The following NFIC variants were observed in gnomAD, a reference collection of about 807,000 sequenced individuals.
The protein encoded by NFIC is nuclear factor I C.
A neutral mutation model predicts 54.4 loss-of-function variants in NFIC; 12 were observed. The observed-to-expected ratio is 0.22, with a 90% CI of 0.14 to 0.36. The LOEUF is 0.36. Ranked by LOEUF, NFIC falls within the 10% of genes least tolerant of loss-of-function variation. The probability of loss-of-function intolerance (pLI) is 1.00; values close to 1 mark genes in which losing one functional copy is unlikely to be tolerated. For missense variants in NFIC, 575 were observed against 718.2 expected, an observed-to-expected ratio of 0.80 and a Z score of 2.28; for synonymous variants, 322 against 319.2, an observed-to-expected ratio of 1.01 and a Z score of -0.09.
At chr19:3,424,044 T>G (rs2081991409) in intron 2 of NFIC, among the ~76,000 whole-genome samples, 2 of 152,196 alleles carry the variant, frequency 1.3e-5, no homozygotes, top group South Asian at 4.1e-4. Flanking sequence ...TTATTTATTT[T>G]GAGACGGAGC....
chr19:3,378,309 G>A (rs559004086), intron 1 of NFIC, among the ~76,000 whole-genome samples: 1 of 150,306 alleles, frequency 6.7e-6, no homozygotes, highest in South Asian at 2.1e-4. Flanking sequence ...ATGTTGCCCA[G>A]GCTGGGATTG....
chr19:3,365,523 A>C (rs1005197020), upstream of NFIC, among the ~76,000 whole-genome samples: 9 of 152,290 alleles, frequency 5.9e-5, no homozygotes, highest in East Asian at 7.7e-4. Flanking sequence ...CTGGGGGCTC[A>C]GACGGAGGCA....
intron 4 of NFIC, 44 bp downstream of exon 4, chr19:3,433,636 G>A: frequency 1.9e-6 from 3 of 1,595,022 alleles, no homozygotes; most frequent in Non-Finnish European, 2.6e-6. Flanking sequence ...GGAGAGGGGA[G>A]GGGGCCGCAG....
intron 2 of NFIC, among the ~76,000 whole-genome samples, chr19:3,404,554 G>GC (rs2081612953): frequency 6.6e-6 from 1 of 151,832 alleles, no homozygotes; most frequent in Non-Finnish European, 1.5e-5. Flanking sequence ...GCCCAGTGGT[G>GC]CCCCAGAGGC....
chr19:3,444,703 A>G (rs2082345916), intron 6 of NFIC, among the ~76,000 whole-genome samples: 1 of 152,210 alleles, frequency 6.6e-6, no homozygotes, highest in South Asian at 2.1e-4. Context: ...ATTTCCATCC[A>G]GGACAAGCGG....
chr19:3,413,300 T>A (rs1426996233), intron 2 of NFIC, among the ~76,000 whole-genome samples: 1 of 151,870 alleles, frequency 6.6e-6, no homozygotes, highest in African/African-American at 2.4e-5. Flanking sequence ...CCAGGAATCA[T>A]CCCAAACCGC....
chr19:3,436,301 C>T (rs184379643), intron 6 of NFIC, among the ~76,000 whole-genome samples: 3 of 139,372 alleles, frequency 2.2e-5, no homozygotes, highest in Non-Finnish European at 3.0e-5. Context: ...TACTGCCATG[C>T]GCCGTTAATT....
At chr19:3,371,102 C>T (rs572291955) in intron 1 of NFIC, among the ~76,000 whole-genome samples, 1 of 152,292 alleles carries the variant, frequency 6.6e-6, no homozygotes, top group South Asian at 2.1e-4. Flanking sequence ...AGGTGCCAAA[C>T]CCAATATAGT....
At chr19:3,437,994 C>T (rs190420775) in intron 6 of NFIC, among the ~76,000 whole-genome samples, 1 of 152,192 alleles carries the variant, frequency 6.6e-6, no homozygotes, top group East Asian at 1.9e-4. Context: ...CCGCACCCAG[C>T]CGTGACTTCT....
intron 1 of NFIC, among the ~76,000 whole-genome samples, chr19:3,374,359 C>T (rs1207518624): frequency 6.6e-6 from 1 of 152,198 alleles, no homozygotes; most frequent in Non-Finnish European, 1.5e-5. Flanking sequence ...CCCTTCTCCC[C>T]ATCACCTTGC....
intron 1 of NFIC, among the ~76,000 whole-genome samples, chr19:3,367,189 C>G (rs573595557): frequency 6.6e-6 from 1 of 152,340 alleles, no homozygotes; most frequent in African/African-American, 2.4e-5. Context: ...CGCCCTGGCC[C>G]TCGGTCGCCT....
In NFIC at chr19:3,459,298, C is replaced by T. The variant is rs1317403311; in HGVS notation, c.1509+2663C>T. Among the ~76,000 whole-genome samples the T allele has an allele frequency of 1.3e-5, 2 of 151,710 alleles. No homozygotes were observed. The highest frequency in any genetic ancestry group is 4.8e-5 in the African/African-American group (2 of 41,274). ...GTGATCTATGCTAATTGATCTCGCCCTGGTCAGTTACCCACCCATCGCCCC... is the reference window on the plus strand; with the variant it reads ...GTGATCTATGCTAATTGATCTCGCCTTGGTCAGTTACCCACCCATCGCCCC... On this transcript the variant is annotated intron_variant, in intron 10 of 10. Transcript: ENST00000443272. The surrounding 1 kb of genome is among the most constrained non-coding windows in gnomAD (Gnocchi z 4.2).
chr19:3,367,823 G>A (rs2080924810), intron 1 of NFIC, among the ~76,000 whole-genome samples: 1 of 152,126 alleles, frequency 6.6e-6, no homozygotes, highest in South Asian at 2.1e-4. Flanking sequence ...GGCCAGGCCC[G>A]TCTTAAGAAG....
At chr19:3,402,582 G>A (rs899441886) in intron 2 of NFIC, among the ~76,000 whole-genome samples, 4 of 152,138 alleles carry the variant, frequency 2.6e-5, no homozygotes, top group African/African-American at 7.2e-5. Context: ...GCAAACACCC[G>A]TGCAGTCACT....
At chr19:3,437,941 C>T (rs1041036118) in intron 6 of NFIC, among the ~76,000 whole-genome samples, 26 of 152,048 alleles carry the variant, frequency 1.7e-4, no homozygotes, top group African/African-American at 6.3e-4. Flanking sequence ...AGTGATCCGC[C>T]CATCTCAGCC....
chr19:3,464,250 G>A lies in NFIC; in HGVS notation c.*1481G>A, dbSNP rs923412059. ...GAGGAGAGAGGAGGCCGACGCCAGC[G>A]GTCCCCGCTCGGAACGGGGAGGGTT... On this transcript the variant is annotated 3_prime_UTR_variant, in exon 11 of 11. Coordinates refer to ENST00000443272, the MANE Select transcript of NFIC (RefSeq NM_001245002.2). 2.0e-6 allele frequency: 2 copies of A among 985,290 alleles called. No homozygotes were observed. Among genetic ancestry groups the A allele is most frequent in the African/African-American group, 3.5e-5 (2 of 57,228 alleles). The allele number at this position is 985,290 out of a possible 1,614,324, so 61.0% of individuals were successfully genotyped here. A position where few individuals can be genotyped will look rare whatever the true frequency, so the allele number is the denominator to read the frequency against.
At chr19:3,413,637 C>T (rs189140978) in intron 2 of NFIC, among the ~76,000 whole-genome samples, 8 of 152,080 alleles carry the variant, frequency 5.3e-5, no homozygotes, top group Admixed American at 1.3e-4. Flanking sequence ...TTACTCACTG[C>T]GCATTAATTT....
intron 2 of NFIC, among the ~76,000 whole-genome samples, chr19:3,423,724 G>T (rs2081987163): frequency 6.6e-6 from 1 of 152,178 alleles, no homozygotes; most frequent in Non-Finnish European, 1.5e-5. Context: ...AGATGGAGGG[G>T]CGGGCGCCGG....
chr19:3,368,963 C>T (rs1162600987), intron 1 of NFIC, among the ~76,000 whole-genome samples: 2 of 148,830 alleles, frequency 1.3e-5, no homozygotes, highest in Non-Finnish European at 3.0e-5. Context: ...TTCTCCCTGT[C>T]TCTCCATCTC....
Sources: gnomAD v4.1 joint callset for allele counts (sites outside exome capture counted in the v4.1 genomes callset) on GRCh38, gnomAD v4.1.1 for gene constraint, Gnocchi (gnomAD v3.1) non-coding constraint, MANE v1.5 for transcripts, NCBI Gene and HGNC (gene_info 2026-07-23, HGNC 2026-07-21) for gene names.